Variants in TDP1 observed in about 807,000 individuals in gnomAD.
TDP1 encodes tyrosyl-DNA phosphodiesterase 1.
In TDP1, 64 loss-of-function variants were observed where a neutral mutation model predicts 81.5. That is an observed-to-expected ratio of 0.79 (90% CI 0.64 to 0.97). The LOEUF is 0.97. Ranked by LOEUF, TDP1 falls within the 50% of genes least tolerant of loss-of-function variation. The pLI is 0.00. For missense variants in TDP1, 723 were observed against 743.8 expected, an observed-to-expected ratio of 0.97 and a Z score of 0.33; for synonymous variants, 256 against 264.3, an observed-to-expected ratio of 0.97 and a Z score of 0.30.
intron 7 of TDP1, among the ~76,000 whole-genome samples, 175 bp downstream of exon 7, chr14:89,975,990 TCTTTC>T (rs1894264123): frequency 6.6e-6 from 1 of 152,238 alleles, no homozygotes; most frequent in African/African-American, 2.4e-5. Context: ...AATTATTTGG[TCTTTC>T]CTTTTAATTT....
intron 15 of TDP1, among the ~76,000 whole-genome samples, chr14:90,027,087 G>A (rs1040450155): frequency 2.0e-5 from 3 of 152,162 alleles, no homozygotes; most frequent in African/African-American, 7.2e-5. Context: ...CAGTGTAAAA[G>A]TGTTCCTATT....
chr14:89,976,420 T>A (rs187786958), intron 7 of TDP1, among the ~76,000 whole-genome samples: 13 of 152,254 alleles, frequency 8.5e-5, no homozygotes, highest in Non-Finnish European at 1.6e-4. Flanking sequence ...TTTAAATTTG[T>A]TCTTGTTTGC....
chr14:89,956,832 G>C lies in TDP1; in HGVS notation c.-8+32G>C, dbSNP rs186200687. On this transcript the variant is annotated intron_variant, in intron 2 of 16. Transcript: ENST00000335725. ...GAATTGCTTGAACCTGGGAGGCAGA[G>C]AGGTTGGAGTGAGCCGAGATTGCGC... 3.9e-5 allele frequency: 6 copies of C among 152,416 alleles called. No individual in the cohort carries two copies. The East Asian group carries it at 1.2e-3, about 29-fold the overall frequency. The allele number at this position is 152,416 out of a possible 1,614,324, so 9.4% of individuals were successfully genotyped here.
At chr14:90,003,302 A>G (rs922514161) in intron 14 of TDP1, among the ~76,000 whole-genome samples, 1 of 152,234 alleles carries the variant, frequency 6.6e-6, no homozygotes, top group Non-Finnish European at 1.5e-5. Context: ...CGTCAGCCAG[A>G]TTTATACATT....
intron 7 of TDP1, among the ~76,000 whole-genome samples, chr14:89,976,664 G>A (rs1045324737): frequency 3.3e-5 from 5 of 149,818 alleles, no homozygotes; most frequent in Non-Finnish European, 5.9e-5. Flanking sequence ...AGCCTCCCAA[G>A]TAGCTGGGGT....
Position 90,029,344 on chromosome 14 carries a change from C to T in TDP1, c.1645-3762C>T, listed in dbSNP as rs898365878. Reference sequence around the variant, plus strand: ...TCCTAAGTAGCTGGGATTACAGATGCGCACTACCACACCTGGCTAATTTTT... The same window carrying T: ...TCCTAAGTAGCTGGGATTACAGATGTGCACTACCACACCTGGCTAATTTTT... On this transcript the variant is annotated intron_variant, in intron 15 of 16. Coordinates refer to ENST00000335725, the MANE Select transcript of TDP1 (RefSeq NM_018319.4). Among the ~76,000 whole-genome samples, 5 of 151,102 alleles carry T rather than the reference C, an allele frequency of 3.3e-5. No individual in the cohort carries two copies. In the South Asian group the frequency reaches 6.3e-4, roughly 19 times the overall value.
chr14:89,963,396 T>C lies in TDP1; in HGVS notation c.282T>C (p.Asp94=), dbSNP rs770660468. The C allele has an allele frequency of 1.2e-6, 2 of 1,614,180 alleles. No individual in the cohort carries two copies. Among genetic ancestry groups the C allele is most frequent in the Non-Finnish European group, 1.7e-6 (2 of 1,180,018 alleles). ...GCTGGTGTCTGTCCAGCAGTGATGA[T>C]GAGCTGCAACCAGAAATGCCGCAGA... ...DLGWCLSSSD[D]ELQPEMPQKQ... The change falls in exon 3 of 17, where the codon GAT becomes GAC. Residue 94 remains aspartate (D), a synonymous_variant. Transcript: ENST00000335725.
At chr14:90,024,226 T>A (rs1168597994) in intron 15 of TDP1, among the ~76,000 whole-genome samples, 1 of 152,218 alleles carries the variant, frequency 6.6e-6, no homozygotes, top group East Asian at 1.9e-4. Context: ...TTACTGTTTA[T>A]GCTGTGCAGA....
At chr14:89,989,578 G>T in intron 11 of TDP1, 139 bp from the exon 12 acceptor site, 1 of 1,110,422 alleles carries the variant, frequency 9.0e-7, no homozygotes, top group South Asian at 1.6e-5. Context: ...TTCATAAGAT[G>T]AGAACTTTTA....
chr14:90,003,872 CCTT>C (rs1216370067), intron 14 of TDP1, among the ~76,000 whole-genome samples: 20 of 152,176 alleles, frequency 1.3e-4, no homozygotes, highest in African/African-American at 4.3e-4. Context: ...ATGCAGTACT[CCTT>C]CTCTAATGTC....
intron 14 of TDP1, among the ~76,000 whole-genome samples, chr14:90,011,572 CTTG>C (rs1884708792): frequency 6.6e-6 from 1 of 152,160 alleles, no homozygotes; most frequent in Non-Finnish European, 1.5e-5. Context: ...AGATGAGAAA[CTTG>C]TTGGGAACTG....
At chr14:90,039,823 A>G (rs1188202781) in intron 16 of TDP1, among the ~76,000 whole-genome samples, 5 of 152,184 alleles carry the variant, frequency 3.3e-5, no homozygotes, top group African/African-American at 7.2e-5. Flanking sequence ...AGCACTTGAC[A>G]TGAATTAATT....
chr14:89,984,714 T>TA, intron 9 of TDP1, 31 bp downstream of exon 9: 1 of 1,611,228 alleles, frequency 6.2e-7, no homozygotes, highest in Non-Finnish European at 8.5e-7. Context: ...TTGGGGTGCT[T>TA]ATGATAGGCT....
At chr14:89,997,205 G>A (rs1896713148) in intron 14 of TDP1, among the ~76,000 whole-genome samples, 1 of 152,160 alleles carries the variant, frequency 6.6e-6, no homozygotes, top group Admixed American at 6.5e-5. Context: ...GTAATTATCT[G>A]GCTTCCCCTC....
intron 16 of TDP1, among the ~76,000 whole-genome samples, chr14:90,037,279 G>C (rs1825212898): frequency 6.6e-6 from 1 of 152,126 alleles, no homozygotes; most frequent in East Asian, 1.9e-4. Context: ...TCCCTTCTTA[G>C]CTTATATTCA....
At chr14:90,023,478 A>G (rs1168226674) in intron 15 of TDP1, among the ~76,000 whole-genome samples, 4 of 152,204 alleles carry the variant, frequency 2.6e-5, no homozygotes, top group Admixed American at 2.6e-4. Context: ...AAGCAGGGCT[A>G]GTGGTCTTAG....
At chr14:90,019,563 G>A in intron 15 of TDP1, 145 bp downstream of exon 15, 2 of 687,162 alleles carry the variant, frequency 2.9e-6, no homozygotes, top group South Asian at 3.1e-5. Context: ...TTAACCGCTG[G>A]TCTGTACCTC....
chr14:90,042,905 C>T (rs571513165), intron 16 of TDP1, 165 bp from the exon 17 acceptor site: 9 of 985,292 alleles, frequency 9.1e-6, no homozygotes, highest in South Asian at 9.4e-5. Flanking sequence ...TAGGAGCCTT[C>T]GCTAAAAGCT....
At chr14:90,025,184 A>G (rs987196122) in intron 15 of TDP1, among the ~76,000 whole-genome samples, 5 of 152,202 alleles carry the variant, frequency 3.3e-5, no homozygotes, top group African/African-American at 1.2e-4. Flanking sequence ...CCTCACCTAG[A>G]AAAGGAATCC....
Sources: allele counts gnomAD v4.1 joint callset (sites outside exome capture counted in the v4.1 genomes callset), GRCh38; gene constraint gnomAD v4.1.1; transcripts MANE v1.5; gene names NCBI Gene and HGNC (gene_info 2026-07-23, HGNC 2026-07-21).